The following NRG3 variants were observed in gnomAD, a reference collection of about 807,000 sequenced individuals.
The protein encoded by NRG3 is pro-neuregulin-3, membrane-bound isoform.
A neutral mutation model predicts 66.9 loss-of-function variants in NRG3; 31 were observed. The ratio of observed to expected loss-of-function variants is 0.46; its 90% confidence interval spans 0.35 to 0.63. The LOEUF (loss-of-function observed/expected upper bound fraction) is 0.63. NRG3 is among the 20% of genes least tolerant of loss of function. The pLI is 0.00. For missense variants in NRG3, 910 were observed against 878.9 expected (o/e 1.04, Z -0.45); for synonymous variants, 393 against 359.4 (o/e 1.09, Z -1.06).
At chr10:82,653,587 A>G (rs546192015) in intron 2 of NRG3, among the ~76,000 whole-genome samples, 5 of 152,220 alleles carry the variant, frequency 3.3e-5, no homozygotes, top group Middle Eastern at 3.4e-3. Flanking sequence ...TATTGATAAG[A>G]CACACATATT....
At chr10:82,095,346 G>A (rs573558977) in intron 1 of NRG3, among the ~76,000 whole-genome samples, 14 of 152,088 alleles carry the variant, frequency 9.2e-5, no homozygotes, top group Non-Finnish European at 1.9e-4. Flanking sequence ...AGATGGTGTT[G>A]GGGAGCTTGA....
chr10:81,973,332 C>T (rs958049109), intron 1 of NRG3, among the ~76,000 whole-genome samples: 5 of 152,110 alleles, frequency 3.3e-5, no homozygotes, highest in South Asian at 2.1e-4. Context: ...AGACAGATTC[C>T]ATGTTTTGCT....
At chr10:82,072,285 T>C (rs908476769) in intron 1 of NRG3, among the ~76,000 whole-genome samples, 7 of 152,240 alleles carry the variant, frequency 4.6e-5, no homozygotes, top group African/African-American at 1.4e-4. Flanking sequence ...AGTGTGATTT[T>C]AAGTCACCGG....
intron 3 of NRG3, among the ~76,000 whole-genome samples, chr10:82,808,926 G>A (rs2061389222): frequency 6.6e-6 from 1 of 152,190 alleles, no homozygotes; most frequent in South Asian, 2.1e-4. Flanking sequence ...AGTGTTGTCT[G>A]TTCACAGTAG....
intron 2 of NRG3, among the ~76,000 whole-genome samples, chr10:82,383,591 A>C (rs1046412868): frequency 6.6e-6 from 1 of 151,952 alleles, no homozygotes; most frequent in Non-Finnish European, 1.5e-5. Context: ...TTTTAATAGA[A>C]TTGTTACTAT....
In NRG3 at chr10:82,669,927, C is replaced by CA. The variant is rs1163615258; in HGVS notation, c.954-68637dup. ...TGGGCGACAGAGAGAGACTCTGTCT[C>CA]AAAAAAAAAAAAAGAAAACAAAAAA... On this transcript the variant is annotated intron_variant, in intron 2 of 8. Coordinates refer to ENST00000372141, the MANE Select transcript of NRG3 (RefSeq NM_001010848.4). Among the ~76,000 whole-genome samples the CA allele has an allele frequency of 5.5e-3, 569 of 103,286 alleles. 1 individual carries two copies. The highest frequency in any genetic ancestry group is 0.016 in the Middle Eastern group (3 of 192). The allele number at this position is 103,286 out of a possible 152,430, so 67.8% of individuals were successfully genotyped here.
At chr10:81,980,184 C>T (rs184113413) in intron 1 of NRG3, among the ~76,000 whole-genome samples, 3 of 151,472 alleles carry the variant, frequency 2.0e-5, no homozygotes, top group Admixed American at 1.3e-4. Flanking sequence ...CTTCTTTGTA[C>T]TTTGTAGGAG....
At chr10:82,127,861 C>T (rs1451774254) in intron 1 of NRG3, among the ~76,000 whole-genome samples, 1 of 151,928 alleles carries the variant, frequency 6.6e-6, no homozygotes, top group African/African-American at 2.4e-5. Context: ...CTCTTCAGTG[C>T]TTGGAGGCTC....
At chr10:82,107,958 G>A (rs527464666) in intron 1 of NRG3, among the ~76,000 whole-genome samples, 1 of 152,282 alleles carries the variant, frequency 6.6e-6, no homozygotes, top group South Asian at 2.1e-4. Context: ...TGAGGGTGAT[G>A]GCCAGCTTAT....
At position 82,391,935 on chromosome 10, in the gene NRG3, G is replaced by A. The variant is rs190574938; in HGVS notation, c.953+33067G>A. ...AGGTTGCCTCTTTTTTCTCTCTCTT[G>A]GTTGTAGCAATTCTCATCAGTAGTG... On this transcript the variant is annotated intron_variant, in intron 2 of 8. Transcript: ENST00000372141. Among the ~76,000 whole-genome samples, 63 of 138,002 alleles carry A rather than the reference G, an allele frequency of 4.6e-4. No homozygotes were observed. In the East Asian group the frequency reaches 0.013, roughly 29 times the overall value. 90.5% of individuals were successfully genotyped at this position (138,002 alleles called of 152,430 possible).
chr10:82,027,504 C>T (rs895134108), intron 1 of NRG3, among the ~76,000 whole-genome samples: 4 of 152,008 alleles, frequency 2.6e-5, no homozygotes, highest in African/African-American at 4.8e-5. Flanking sequence ...AATTTAGAAA[C>T]GATGGTTCTG....
intron 1 of NRG3, among the ~76,000 whole-genome samples, chr10:82,331,955 G>C (rs1018251551): frequency 3.9e-5 from 6 of 152,196 alleles, no homozygotes; most frequent in African/African-American, 1.4e-4. Flanking sequence ...GCTCCACTCT[G>C]CTCTGCTGGC....
At chr10:82,666,947 G>A (rs775487701) in intron 2 of NRG3, among the ~76,000 whole-genome samples, 3 of 152,102 alleles carry the variant, frequency 2.0e-5, no homozygotes, top group East Asian at 1.9e-4. Context: ...CTTGCACATC[G>A]TCTAGAAACT....
intron 1 of NRG3, among the ~76,000 whole-genome samples, chr10:82,348,545 C>G (rs1281399210): frequency 3.4e-5 from 5 of 147,736 alleles, no homozygotes; most frequent in Non-Finnish European, 7.4e-5. Flanking sequence ...AATTATGTGT[C>G]TTGGAGTTGC....
chr10:82,508,357 A>C (rs1206854251), intron 2 of NRG3, among the ~76,000 whole-genome samples: 2 of 152,198 alleles, frequency 1.3e-5, no homozygotes, highest in African/African-American at 4.8e-5. Context: ...CAAAATGCTC[A>C]GGGACCTCAA....
intron 3 of NRG3, among the ~76,000 whole-genome samples, chr10:82,760,926 A>G (rs2059279228): frequency 6.6e-6 from 1 of 151,928 alleles, no homozygotes; most frequent in Non-Finnish European, 1.5e-5. Flanking sequence ...AAAATATCAT[A>G]TTCCCAACAG....
intron 2 of NRG3, among the ~76,000 whole-genome samples, chr10:82,406,005 A>C (rs1429295158): frequency 1.3e-5 from 2 of 152,168 alleles, no homozygotes; most frequent in African/African-American, 4.8e-5. Context: ...CAAGGTCAAT[A>C]TTGTCAAAAG....
intron 1 of NRG3, among the ~76,000 whole-genome samples, chr10:82,352,180 T>C (rs917384456): frequency 6.6e-6 from 1 of 152,200 alleles, no homozygotes; most frequent in African/African-American, 2.4e-5. Context: ...TAGGAATACA[T>C]ATACCCACAT....
intron 2 of NRG3, among the ~76,000 whole-genome samples, chr10:82,422,396 G>T (rs1467235098): frequency 6.6e-6 from 1 of 152,012 alleles, no homozygotes; most frequent in Non-Finnish European, 1.5e-5. Flanking sequence ...AATCTAATGT[G>T]CAATGATTCT....
Sources: allele counts gnomAD v4.1 joint callset (sites outside exome capture counted in the v4.1 genomes callset), GRCh38; gene constraint gnomAD v4.1.1; transcripts MANE v1.5; gene names NCBI Gene and HGNC (gene_info 2026-07-23, HGNC 2026-07-21).